The following NRG3 variants were observed in gnomAD, a reference collection of about 807,000 sequenced individuals.
NRG3 encodes pro-neuregulin-3, membrane-bound isoform.
A neutral mutation model predicts 66.9 loss-of-function variants in NRG3; 31 were observed. The observed-to-expected ratio is 0.46, with a 90% confidence interval of 0.35 to 0.63. The LOEUF (loss-of-function observed/expected upper bound fraction) is 0.63, where lower values mean the gene tolerates loss of function less well. NRG3 is among the 20% of genes least tolerant of loss of function. The pLI is 0.00. For missense variants in NRG3, 910 were observed against 878.9 expected, an observed-to-expected ratio of 1.04 and a Z score of -0.45; for synonymous variants, 393 against 359.4, an observed-to-expected ratio of 1.09 and a Z score of -1.06.
rs529181262 is a variant in NRG3 at position 82,806,185 on chromosome 10, T to C, written c.1028-59226T>C. On this transcript the variant is annotated intron_variant, in intron 3 of 8. Coordinates refer to ENST00000372141, the MANE Select transcript of NRG3 (RefSeq NM_001010848.4). ...CTCAGGGAAACATCAGCTATGGCTT[T>C]AAGCAGATGTGAGTGTCAACAAGGT... Among the ~76,000 whole-genome samples the C allele has an allele frequency of 2.0e-5, 3 of 152,312 alleles. No individual in the cohort carries two copies. In the East Asian group the frequency reaches 5.8e-4, roughly 29 times the overall value.
chr10:82,697,773 G>C (rs563079601), intron 2 of NRG3, among the ~76,000 whole-genome samples: 1 of 152,214 alleles, frequency 6.6e-6, no homozygotes, highest in South Asian at 2.1e-4. Context: ...TGGTAGCTGG[G>C]TAGGGGCAGG....
chr10:82,961,666 G>A (rs2083235614), intron 6 of NRG3, among the ~76,000 whole-genome samples: 2 of 152,154 alleles, frequency 1.3e-5, no homozygotes, highest in Non-Finnish European at 2.9e-5. Context: ...CATTGGCGCT[G>A]ATGAACATCC....
At chr10:81,951,518 C>A (rs951672636) in intron 1 of NRG3, among the ~76,000 whole-genome samples, 4 of 152,128 alleles carry the variant, frequency 2.6e-5, no homozygotes, top group African/African-American at 9.7e-5. Flanking sequence ...GGCCAACACC[C>A]CCACAGACAC....
intron 2 of NRG3, among the ~76,000 whole-genome samples, chr10:82,641,706 C>G (rs1464256034): frequency 6.6e-6 from 1 of 152,056 alleles, no homozygotes; most frequent in African/African-American, 2.4e-5. Context: ...TGTTAAAAAT[C>G]CATGCCTTCA....
intron 2 of NRG3, among the ~76,000 whole-genome samples, chr10:82,665,528 AAACT>A (rs1201725089): frequency 6.6e-6 from 1 of 152,168 alleles, no homozygotes; most frequent in Non-Finnish European, 1.5e-5. Context: ...TGCTCTCAGA[AAACT>A]TTGTCTCCTC....
At chr10:82,831,253 G>A (rs2062505186) in intron 3 of NRG3, among the ~76,000 whole-genome samples, 1 of 152,092 alleles carries the variant, frequency 6.6e-6, no homozygotes, top group African/African-American at 2.4e-5. Context: ...CTGAGCCAGG[G>A]AACTCAACAA....
chr10:82,537,009 G>A (rs925862174), intron 2 of NRG3, among the ~76,000 whole-genome samples: 37 of 151,994 alleles, frequency 2.4e-4, no homozygotes, highest in African/African-American at 7.7e-4. Context: ...GAGAAAGTAG[G>A]TTTAGGAAAA....
chr10:82,689,708 A>C (rs2054779651), intron 2 of NRG3, among the ~76,000 whole-genome samples: 1 of 152,202 alleles, frequency 6.6e-6, no homozygotes, highest in South Asian at 2.1e-4. Context: ...GAAGTGGCAC[A>C]TTCTCAGTTC....
At chr10:82,707,000 A>AT (rs2056337498) in intron 2 of NRG3, among the ~76,000 whole-genome samples, 2 of 125,428 alleles carry the variant, frequency 1.6e-5, no homozygotes, top group Non-Finnish European at 3.3e-5. Context: ...TCTCAAAAAA[A>AT]AAAAATAAAA....
intron 1 of NRG3, among the ~76,000 whole-genome samples, chr10:82,074,915 C>T (rs898589296): frequency 2.0e-5 from 3 of 152,160 alleles, no homozygotes; most frequent in African/African-American, 7.2e-5. Flanking sequence ...CTTTATCAAA[C>T]CTGTCTTTTG....
At chr10:81,883,062 T>G (rs564564239) in intron 1 of NRG3, among the ~76,000 whole-genome samples, 2 of 152,252 alleles carry the variant, frequency 1.3e-5, no homozygotes, top group Non-Finnish European at 2.9e-5. Flanking sequence ...TAGGTGCCCT[T>G]TTGTGCCATC....
chr10:82,068,217 A>G (rs537544330), intron 1 of NRG3, among the ~76,000 whole-genome samples: 15 of 152,374 alleles, frequency 9.8e-5, no homozygotes, highest in South Asian at 8.3e-4. Context: ...ACAGTAGAAC[A>G]TAACTGTTTA....
At chr10:82,801,426 A>C (rs904803069) in intron 3 of NRG3, among the ~76,000 whole-genome samples, 4 of 152,178 alleles carry the variant, frequency 2.6e-5, no homozygotes, top group African/African-American at 9.7e-5. Context: ...TGTCTTCAAA[A>C]AATGAGCTGA....
intron 2 of NRG3, among the ~76,000 whole-genome samples, chr10:82,362,550 T>TTTTTTTTTTTTTG (rs2084244522): frequency 1.0e-5 from 1 of 97,690 alleles, no homozygotes; most frequent in Non-Finnish European, 1.9e-5. Flanking sequence ...ATTTCTGGGT[T>TTTTTTTTTTTTTG]TTTTTTTTTT....
At chr10:82,265,452 C>G (rs1187938189) in intron 1 of NRG3, among the ~76,000 whole-genome samples, 1 of 152,078 alleles carries the variant, frequency 6.6e-6, no homozygotes, top group African/African-American at 2.4e-5. Context: ...GATTGGAGAT[C>G]CCAAGAGGTC....
At chr10:82,875,085 A>G (rs1258122232) in intron 4 of NRG3, among the ~76,000 whole-genome samples, 1 of 152,172 alleles carries the variant, frequency 6.6e-6, no homozygotes, top group Non-Finnish European at 1.5e-5. Context: ...ATTCTCTCAC[A>G]TGGGGTAATC....
At chr10:82,571,091 T>C (rs973289779) in intron 2 of NRG3, among the ~76,000 whole-genome samples, 4 of 151,620 alleles carry the variant, frequency 2.6e-5, no homozygotes, top group African/African-American at 9.7e-5. Flanking sequence ...ATATATATTT[T>C]AGAAAATCTA....
chr10:82,720,441 CTG>C (rs1464355262), intron 2 of NRG3, among the ~76,000 whole-genome samples: 1 of 151,874 alleles, frequency 6.6e-6, no homozygotes, highest in Admixed American at 6.6e-5. Context: ...ATGCATAACA[CTG>C]TGTAAGTGCT....
chr10:82,634,044 G>A (rs1272885477), intron 2 of NRG3, among the ~76,000 whole-genome samples: 1 of 152,174 alleles, frequency 6.6e-6, no homozygotes, highest in African/African-American at 2.4e-5. Context: ...TAGAGATTAT[G>A]GTTCATAAAG....
Sources: gnomAD v4.1 joint callset for allele counts (sites outside exome capture counted in the v4.1 genomes callset) on GRCh38, gnomAD v4.1.1 for gene constraint, MANE v1.5 for transcripts, NCBI Gene and HGNC (gene_info 2026-07-23, HGNC 2026-07-21) for gene names.